ZFHX3: variants seen among roughly 807,000 people sequenced by gnomAD.
The protein encoded by ZFHX3 is zinc finger homeobox 3.
ZFHX3 carries 42 observed loss-of-function variants against 279.1 expected under a neutral mutation model. That is an observed-to-expected ratio of 0.15 (90% confidence interval 0.12 to 0.19). The LOEUF (loss-of-function observed/expected upper bound fraction) is 0.19. ZFHX3 is among the 10% of genes least tolerant of loss of function. The probability of loss-of-function intolerance (pLI) is 1.00; values close to 1 mark genes in which losing one functional copy is unlikely to be tolerated. For missense variants in ZFHX3, 4,981 were observed against 4,754.0 expected (o/e 1.05, Z -1.40); for synonymous variants, 2,293 against 1,957.8 (o/e 1.17, Z -4.52).
chr16:72,916,180 C>A (rs536120380), intron 3 of ZFHX3, among the ~76,000 whole-genome samples: 61 of 152,336 alleles, frequency 4.0e-4, no homozygotes, highest in African/African-American at 8.2e-4. Flanking sequence ...ACTTCCCCCC[C>A]CTCCTCCGCC....
At position 73,258,227 on chromosome 16, in the gene ZFHX3, G is replaced by A. The variant is rs750621689; in HGVS notation, c.-1193-1091C>T. 1.5e-4 allele frequency among the ~76,000 whole-genome samples: 23 copies of A among 152,194 alleles called. No individual in the cohort carries two copies. In the Middle Eastern group the frequency reaches 0.01, roughly 68 times the overall value. On this transcript the variant is annotated intron_variant, in intron 4 of 17. Coordinates refer to the ZFHX3 transcript ENST00000641206. ...CATGGTGAAACTAAGGTCCAGAGATGTTAAGGGAATCATCCAATATCACAC... is the reference window on the plus strand; with the variant it reads ...CATGGTGAAACTAAGGTCCAGAGATATTAAGGGAATCATCCAATATCACAC...
chr16:73,764,659 T>C (rs2053909171), intron 1 of ZFHX3, among the ~76,000 whole-genome samples: 1 of 152,164 alleles, frequency 6.6e-6, no homozygotes, highest in Non-Finnish European at 1.5e-5. Context: ...CCATATAGGA[T>C]GCTTGGCCAA....
Position 72,794,612 on chromosome 16 carries a change from C to T in ZFHX3, c.8070G>A (p.Gln2690=), listed in dbSNP as rs748840864. Residue 2690 remains glutamine, a synonymous_variant, in exon 9 of 10, where the codon CAG becomes CAA. Coordinates refer to ENST00000268489, the MANE Select transcript of ZFHX3 (RefSeq NM_006885.4). This position sits in a 1 kb window ranked among gnomAD's most constrained non-coding sequence, Gnocchi z 4.2. ...CTTTCCTTTCCCGAGCTCGGGTGTT[C>T]TGAAACCAGACTTGTACCACACGTT... ...LKKRVVQVWF[Q]NTRARERKGQ... The T allele has an allele frequency of 1.9e-6, 3 of 1,614,184 alleles. No homozygotes were observed. The South Asian group carries it at 3.3e-5, about 18-fold the overall frequency.
At position 73,512,597 on chromosome 16, in the gene ZFHX3, G is replaced by T. The variant is rs74788891; in HGVS notation, c.-1546-56339C>A. 7.8e-3 allele frequency among the ~76,000 whole-genome samples: 1,190 copies of T among 152,042 alleles called. 14 individuals carry two copies. Among genetic ancestry groups the T allele is most frequent in the African/African-American group, 0.022 (913 of 41,470 alleles). On this transcript the variant is annotated intron_variant, in intron 2 of 17. Coordinates refer to the ZFHX3 transcript ENST00000641206. ...TTGGAAAAGGAGGCAGATGGGCAAA[G>T]AATTTAATGGAAAAATAAGGTTCCA...
intron 1 of ZFHX3, among the ~76,000 whole-genome samples, chr16:73,871,002 G>A (rs527817006): frequency 3.9e-5 from 6 of 152,196 alleles, no homozygotes; most frequent in African/African-American, 1.4e-4. Flanking sequence ...TGACCATATC[G>A]TATGTACCAG....
rs755824489 is a variant in ZFHX3, at chr16:72,794,593, T to G, written c.8089A>C (p.Arg2697=). Residue 2697 remains arginine, a synonymous_variant, in exon 9 of 10, where the codon AGG becomes CGG. Coordinates refer to ENST00000268489, the MANE Select transcript of ZFHX3 (RefSeq NM_006885.4). The surrounding 1 kb of genome is among the most constrained non-coding windows in gnomAD (Gnocchi z 4.2). ...VWFQNTRARE[R]KGQFRAVGPA... ...CCTACAGCCCGGAACTGTCCTTTCCTTTCCCGAGCTCGGGTGTTCTGAAAC... is the reference window on the plus strand; with the variant it reads ...CCTACAGCCCGGAACTGTCCTTTCCGTTCCCGAGCTCGGGTGTTCTGAAAC... 1 of 1,614,218 alleles carries G rather than the reference T, an allele frequency of 6.2e-7. No homozygotes were observed. Among genetic ancestry groups the G allele is most frequent in the South Asian group, 1.1e-5 (1 of 91,084 alleles).
chr16:73,013,853 A>G (rs1220883705), intron 1 of ZFHX3, among the ~76,000 whole-genome samples: 2 of 152,112 alleles, frequency 1.3e-5, no homozygotes, highest in Non-Finnish European at 2.9e-5. Context: ...AACTGCACCA[A>G]TTCCTCCACA....
chr16:73,296,612 A>T (rs12050955), intron 4 of ZFHX3, among the ~76,000 whole-genome samples: 1 of 151,952 alleles, frequency 6.6e-6, no homozygotes, highest in Non-Finnish European at 1.5e-5. Flanking sequence ...CTATTCCCCA[A>T]TCCCTTATTC....
chr16:73,343,816 G>A (rs2016078591), intron 3 of ZFHX3, among the ~76,000 whole-genome samples: 1 of 152,062 alleles, frequency 6.6e-6, no homozygotes. Flanking sequence ...TGATGGTAAT[G>A]GATTACAATC....
chr16:72,927,867 A>T (rs1414821625), intron 3 of ZFHX3, among the ~76,000 whole-genome samples: 2 of 151,800 alleles, frequency 1.3e-5, no homozygotes, highest in African/African-American at 4.8e-5. Flanking sequence ...ACCACATGAC[A>T]TAATTCGCAT....
chr16:73,363,779 A>G (rs2016477041), intron 3 of ZFHX3, among the ~76,000 whole-genome samples: 1 of 152,136 alleles, frequency 6.6e-6, no homozygotes, highest in Non-Finnish European at 1.5e-5. Flanking sequence ...CCAGGATACA[A>G]CAGATAAGGA....
intron 1 of ZFHX3, among the ~76,000 whole-genome samples, chr16:72,982,879 A>C (rs1962671275): frequency 6.6e-6 from 1 of 152,194 alleles, no homozygotes; most frequent in African/African-American, 2.4e-5. Context: ...AAGATGTAAT[A>C]AGCTGTCAAC....
intron 3 of ZFHX3, among the ~76,000 whole-genome samples, chr16:73,443,537 T>C (rs1461816355): frequency 3.3e-5 from 5 of 152,204 alleles, no homozygotes; most frequent in Non-Finnish European, 7.3e-5. Context: ...CAAAAAGTTA[T>C]TCCTTATGTC....
intron 1 of ZFHX3, among the ~76,000 whole-genome samples, chr16:73,710,935 A>G (rs888668174): frequency 2.6e-5 from 4 of 152,100 alleles, no homozygotes; most frequent in African/African-American, 9.7e-5. Context: ...AGTCACTTCC[A>G]CAGCATTTCC....
intron 5 of ZFHX3, among the ~76,000 whole-genome samples, chr16:72,829,163 C>G (rs970023635): frequency 6.8e-6 from 1 of 147,810 alleles, no homozygotes; most frequent in Non-Finnish European, 1.5e-5. Context: ...TGCCACCACA[C>G]CCAGCATTTT....
chr16:73,133,033 A>T (rs970007701), intron 6 of ZFHX3, among the ~76,000 whole-genome samples: 2 of 152,198 alleles, frequency 1.3e-5, no homozygotes, highest in South Asian at 4.1e-4. Context: ...TTGGCAACAC[A>T]TGGGAGGCCC....
chr16:73,667,479 T>C (rs1323507360), intron 2 of ZFHX3, among the ~76,000 whole-genome samples: 1 of 152,254 alleles, frequency 6.6e-6, no homozygotes, highest in Admixed American at 6.5e-5. Flanking sequence ...TTTCAGTTTA[T>C]TTTTAAGAAC....
At chr16:73,453,794 C>A (rs116585163) in intron 3 of ZFHX3, among the ~76,000 whole-genome samples, 3 of 152,086 alleles carry the variant, frequency 2.0e-5, no homozygotes, top group Non-Finnish European at 4.4e-5. Context: ...TCTTACATGG[C>A]GGCAGATAAG....
In ZFHX3 at chr16:72,936,651, G is replaced by T. The variant is rs373622394; in HGVS notation, c.3216+13818C>A. Among the ~76,000 whole-genome samples the T allele has an allele frequency of 5.3e-5, 8 of 152,330 alleles. No individual in the cohort carries two copies. In the South Asian group the frequency reaches 1.7e-3, roughly 32 times the overall value. On this transcript the variant is annotated intron_variant, in intron 3 of 9. Transcript: ENST00000268489. Reference sequence around the variant, plus strand: ...AACAGAGAAGGCTGCTGTGGCTGCAGTGTAGGGGGCAAAGGGGAGAGGGTT... The same window carrying T: ...AACAGAGAAGGCTGCTGTGGCTGCATTGTAGGGGGCAAAGGGGAGAGGGTT...
Sources: allele counts gnomAD v4.1 joint callset (sites outside exome capture counted in the v4.1 genomes callset), GRCh38; gene constraint gnomAD v4.1.1; non-coding constraint Gnocchi (gnomAD v3.1); transcripts MANE v1.5; gene names NCBI Gene and HGNC (gene_info 2026-07-23, HGNC 2026-07-21).